HPSE: variants seen among roughly 807,000 people sequenced by gnomAD.
HPSE encodes the protein endo-glucoronidase.
In HPSE, 48 loss-of-function variants were observed where a neutral mutation model predicts 65.1. The ratio of observed to expected loss-of-function variants is 0.74; its 90% CI spans 0.58 to 0.94. HPSE has a LOEUF of 0.94. Among genes scored for constraint, HPSE ranks in the 40% least tolerant of loss-of-function variants. The pLI is 0.00. For synonymous variants in HPSE, 243 were observed against 260.0 expected (o/e 0.93, Z 0.63); for missense variants, 644 against 637.5 (o/e 1.01, Z -0.11).
chr4:83,308,199 C>T (rs4410520), intron 8 of HPSE, among the ~76,000 whole-genome samples: 115,147 of 151,590 alleles, frequency 0.76, 43,822 homozygotes, highest in East Asian at 0.86. Context: ...CTTGAGCTCA[C>T]GGGTTTCAGA....
At chr4:83,310,637 A>T in intron 5 of HPSE, 85 bp downstream of exon 5, 2 of 1,288,542 alleles carry the variant, frequency 1.6e-6, no homozygotes, top group African/African-American at 1.5e-5. Flanking sequence ...GTACCACTGC[A>T]CTCCAGTCTG....
rs572388980 is a variant in HPSE at position 83,306,033 on chromosome 4, A to G, written c.1206+170T>C. ...CCTAGCTCTTGATTTCTTCTCTTCA[A>G]ACACACAAAAAAATGTTAGATTGGA... On this transcript the variant is annotated intron_variant, in intron 9 of 11. Transcript: ENST00000311412. Among the ~76,000 whole-genome samples the G allele has an allele frequency of 2.0e-5, 3 of 152,274 alleles. No homozygotes were observed. The South Asian group carries it at 6.2e-4, about 32-fold the overall frequency.
chr4:83,296,885 G>T (rs1441278540), intron 11 of HPSE, among the ~76,000 whole-genome samples: 3 of 151,972 alleles, frequency 2.0e-5, no homozygotes, highest in African/African-American at 7.3e-5. Flanking sequence ...TAAATATTTT[G>T]ATGTATATTC....
At chr4:83,327,643 A>G (rs796747370) in intron 1 of HPSE, among the ~76,000 whole-genome samples, 47 of 152,344 alleles carry the variant, frequency 3.1e-4, no homozygotes, top group African/African-American at 9.6e-4. Flanking sequence ...CTTTTGTACA[A>G]AAATAAGTTA....
At chr4:83,299,811 C>T (rs141161598) in intron 11 of HPSE, among the ~76,000 whole-genome samples, 44 of 152,082 alleles carry the variant, frequency 2.9e-4, no homozygotes, top group Non-Finnish European at 2.9e-5. Context: ...CTCAAGCAAT[C>T]CTCCCACCTC....
chr4:83,335,128 G>A (rs544138365), upstream of HPSE: 9 of 242,430 alleles, frequency 3.7e-5, no homozygotes, highest in East Asian at 7.0e-4. Flanking sequence ...AGCGCCCGGG[G>A]AGGAGCGCCC....
Position 83,293,875 on chromosome 4 carries a change from A to C in HPSE, c.*1469T>G, listed in dbSNP as rs1455005512. 6.6e-6 allele frequency: 1 copy of C among 152,234 alleles called. No individual in the cohort carries two copies. Among genetic ancestry groups the C allele is most frequent in the Non-Finnish European group, 1.5e-5 (1 of 68,034 alleles). 9.4% of individuals were successfully genotyped at this position (152,234 alleles called of 1,614,324 possible). ...GGTGCAAATAGATAGTTTCTCTTTTACAACCAGTTTCACGGTAACGGCAGT... is the reference window on the plus strand; with the variant it reads ...GGTGCAAATAGATAGTTTCTCTTTTCCAACCAGTTTCACGGTAACGGCAGT... On this transcript the variant is annotated 3_prime_UTR_variant, in exon 12 of 12. Coordinates refer to ENST00000311412, the MANE Select transcript of HPSE (RefSeq NM_001098540.3).
chr4:83,301,557 T>TA (rs1344289829), intron 10 of HPSE, among the ~76,000 whole-genome samples: 1 of 152,196 alleles, frequency 6.6e-6, no homozygotes, highest in East Asian at 1.9e-4. Context: ...TGACATTTTT[T>TA]ATGAATTTAT....
chr4:83,306,982 C>G (rs1052977502), intron 8 of HPSE, among the ~76,000 whole-genome samples: 8 of 152,078 alleles, frequency 5.3e-5, no homozygotes, highest in African/African-American at 1.4e-4. Context: ...TAATCTGGCC[C>G]AACCAGTTCT....
intron 3 of HPSE, among the ~76,000 whole-genome samples, chr4:83,318,197 A>T (rs1236661292): frequency 6.6e-6 from 1 of 152,210 alleles, no homozygotes; most frequent in Non-Finnish European, 1.5e-5. Flanking sequence ...TAACTTCAAG[A>T]TCATTTATTT....
rs182343106 is a variant in HPSE, at chr4:83,332,547, C to T, written c.227+2009G>A. Among the ~76,000 whole-genome samples, 215 of 152,308 alleles carry T rather than the reference C, an allele frequency of 1.4e-3. 1 individual carries two copies. The highest frequency in any genetic ancestry group is 1.8e-3 in the Non-Finnish European group (124 of 68,024). ...AGTTTTATGTATCACATGTTATGCT[C>T]TCTTGGTATTTCATTATACTCCAGT... On this transcript the variant is annotated intron_variant, in intron 1 of 11. Transcript: ENST00000311412.
rs183947666 is a variant in HPSE, at chr4:83,334,610, G to A, written c.173C>T (p.Ser58Phe). 1.4e-5 allele frequency: 22 copies of A among 1,593,690 alleles called. No homozygotes were observed. The highest frequency in any genetic ancestry group is 1.9e-5 in the Non-Finnish European group (22 of 1,170,160). ...GGCCAGGTTGGCGTCAATGGTGACGGACAGGAACGAGGGGCTCACCAGGTG... is the reference window on the plus strand; with the variant it reads ...GGCCAGGTTGGCGTCAATGGTGACGAACAGGAACGAGGGGCTCACCAGGTG... Reference protein sequence around the residue: ...PLHLVSPSFLSVTIDANLATD... With the variant: ...PLHLVSPSFLFVTIDANLATD... The change falls in exon 1 of 12, where the codon TCC becomes TTC. Residue 58 changes from serine (S) to phenylalanine (F), a missense_variant. By Grantham distance (155) the Ser-to-Phe change is radical (BLOSUM62 -2). Coordinates refer to ENST00000311412, the MANE Select transcript of HPSE (RefSeq NM_001098540.3).
chr4:83,332,623 A>T (rs1333363052), intron 1 of HPSE, among the ~76,000 whole-genome samples: 1 of 152,258 alleles, frequency 6.6e-6, no homozygotes, highest in Middle Eastern at 3.2e-3. Context: ...CTGGGAAATG[A>T]AGAGATGTAT....
At chr4:83,325,601 A>G (rs1230574062) in intron 1 of HPSE, among the ~76,000 whole-genome samples, 1 of 152,224 alleles carries the variant, frequency 6.6e-6, no homozygotes, top group Non-Finnish European at 1.5e-5. Context: ...TGAATGGTGA[A>G]CCAGGCAGAG....
chr4:83,319,304 T>C, intron 3 of HPSE, 40 bp downstream of exon 3: 1 of 1,607,508 alleles, frequency 6.2e-7, no homozygotes, highest in Non-Finnish European at 8.5e-7. Context: ...TCAAATATCT[T>C]TGGGGCTGGA....
Position 83,296,539 on chromosome 4 carries a change from G to T in HPSE, c.1473-1036C>A, listed in dbSNP as rs563189007. ...AAAATACAAAAATTAGCCGGGCATG[G>T]TGGTGTGTGCCTGTAGTCCCAGCTA... On this transcript the variant is annotated intron_variant, in intron 11 of 11. Coordinates refer to ENST00000311412, the MANE Select transcript of HPSE (RefSeq NM_001098540.3). Among the ~76,000 whole-genome samples, 34 of 152,164 alleles carry T rather than the reference G, an allele frequency of 2.2e-4. No individual in the cohort carries two copies. In the East Asian group the frequency reaches 4.8e-3, roughly 22 times the overall value.
intron 5 of HPSE, 75 bp downstream of exon 5, chr4:83,310,647 G>A: frequency 7.2e-7 from 1 of 1,391,188 alleles, no homozygotes; most frequent in Non-Finnish European, 9.9e-7. Flanking sequence ...ACTCCAGTCT[G>A]GCTGACAGAG....
intron 3 of HPSE, among the ~76,000 whole-genome samples, chr4:83,318,631 A>T (rs1578019952): frequency 6.7e-6 from 1 of 150,296 alleles, no homozygotes; most frequent in African/African-American, 2.5e-5. Context: ...AATCTCTTGA[A>T]CCTGGGAGGC....
chr4:83,312,292 A>AG (rs1463385113), intron 4 of HPSE, among the ~76,000 whole-genome samples: 1 of 152,210 alleles, frequency 6.6e-6, no homozygotes, highest in Non-Finnish European at 1.5e-5. Flanking sequence ...TGGAATAAAT[A>AG]CAGTAGGAGT....
Sources: gnomAD v4.1 joint callset for allele counts (sites outside exome capture counted in the v4.1 genomes callset) on GRCh38, gnomAD v4.1.1 for gene constraint, MANE v1.5 for transcripts, NCBI Gene and HGNC (gene_info 2026-07-23, HGNC 2026-07-21) for gene names.